SGCD: variants seen among roughly 807,000 people sequenced by gnomAD.
The protein encoded by SGCD is sarcoglycan delta.
In SGCD, 18 loss-of-function variants were observed where a neutral mutation model predicts 36.6. The observed-to-expected ratio is 0.49, with a 90% CI of 0.34 to 0.73. The LOEUF is 0.73. Ranked by LOEUF, SGCD falls within the 30% of genes least tolerant of loss-of-function variation. The pLI, the probability that SGCD is intolerant of heterozygous loss-of-function variation, is 0.01. For synonymous variants in SGCD, 133 were observed against 130.6 expected, an observed-to-expected ratio of 1.02 and a Z score of -0.12; for missense variants, 387 against 346.7, an observed-to-expected ratio of 1.12 and a Z score of -0.92.
intron 3 of SGCD, among the ~76,000 whole-genome samples, chr5:156,211,237 T>A (rs370545158): frequency 1.8e-4 from 28 of 151,872 alleles, no homozygotes; most frequent in Middle Eastern, 6.8e-3. Context: ...AGAGAGAAAG[T>A]CTTTCCCAGA....
At chr5:156,360,750 G>A (rs1166426414) in intron 3 of SGCD, among the ~76,000 whole-genome samples, 1 of 152,104 alleles carries the variant, frequency 6.6e-6, no homozygotes, top group East Asian at 1.9e-4. Context: ...TTTGGGGGAA[G>A]ACGACTCACC....
At chr5:156,531,346 G>C (rs1195126301) in intron 4 of SGCD, among the ~76,000 whole-genome samples, 3 of 152,226 alleles carry the variant, frequency 2.0e-5, no homozygotes, top group Non-Finnish European at 1.5e-5. Flanking sequence ...CCAGGCTGGG[G>C]TTCTTTTGGT....
chr5:156,458,017 C>G (rs944559729), intron 3 of SGCD, among the ~76,000 whole-genome samples: 1 of 152,126 alleles, frequency 6.6e-6, no homozygotes, highest in Non-Finnish European at 1.5e-5. Flanking sequence ...ACAAACCACA[C>G]TGTGCCAACG....
At chr5:155,940,940 T>G (rs1757311600) in intron 1 of SGCD, among the ~76,000 whole-genome samples, 1 of 152,188 alleles carries the variant, frequency 6.6e-6, no homozygotes. Flanking sequence ...AGGAGTGTCT[T>G]AGTCTATTTT....
At chr5:156,716,676 T>C (rs954711620) in intron 7 of SGCD, among the ~76,000 whole-genome samples, 2 of 152,224 alleles carry the variant, frequency 1.3e-5, no homozygotes, top group Non-Finnish European at 2.9e-5. Flanking sequence ...GTTTTCCGGA[T>C]CTAATGCACA....
intron 1 of SGCD, among the ~76,000 whole-genome samples, chr5:155,903,855 A>G (rs1235535011): frequency 6.6e-6 from 1 of 152,166 alleles, no homozygotes; most frequent in Non-Finnish European, 1.5e-5. Flanking sequence ...AGAGAAAACA[A>G]CTTTCAACTT....
intron 7 of SGCD, among the ~76,000 whole-genome samples, chr5:156,692,200 C>T (rs2113708728): frequency 6.6e-6 from 1 of 152,294 alleles, no homozygotes. Flanking sequence ...CAGTTAAGTA[C>T]AATAATGACC....
rs150204300 is a variant in SGCD, at chr5:155,943,042, A to G, written c.-282+72618A>G. ...AAAGTGTCTTGCCTAAATTATTTGT[A>G]CAGCTATGATAGAGTTGAGGACAAA... On this transcript the variant is annotated intron_variant, in intron 1 of 9. Transcript: ENST00000517913. 3.7e-3 allele frequency among the ~76,000 whole-genome samples: 567 copies of G among 152,324 alleles called. 4 individuals carry two copies. Among genetic ancestry groups the G allele is most frequent in the African/African-American group, 0.013 (549 of 41,570 alleles).
At position 156,062,625 on chromosome 5, in the gene SGCD, C is replaced by T. The variant is rs1366245451; in HGVS notation, c.-281-55253C>T. On this transcript the variant is annotated intron_variant, in intron 1 of 9. Coordinates refer to the SGCD transcript ENST00000517913. ...TCCTGACTTTTTAATGATTGCCATT[C>T]TAACTGGTGTGAGATGATATCTCAT... Among the ~76,000 whole-genome samples the T allele has an allele frequency of 7.8e-5, 3 of 38,700 alleles. No homozygotes were observed. The East Asian group carries it at 2.3e-3, about 29-fold the overall frequency. The allele number at this position is 38,700 out of a possible 152,430, so 25.4% of individuals were successfully genotyped here.
intron 3 of SGCD, among the ~76,000 whole-genome samples, chr5:156,489,149 A>G (rs1755829684): frequency 6.6e-6 from 1 of 152,118 alleles, no homozygotes; most frequent in South Asian, 2.1e-4. Context: ...ATATAATTAC[A>G]AAAGGATCAA....
chr5:156,290,727 C>T (rs936970236), intron 3 of SGCD, among the ~76,000 whole-genome samples: 1 of 152,128 alleles, frequency 6.6e-6, no homozygotes, highest in African/African-American at 2.4e-5. Flanking sequence ...TATACCTCTT[C>T]TCTATCCATA....
rs149333928 is a variant in SGCD at position 156,549,765 on chromosome 5, C to T, written c.295-39466C>T. Among the ~76,000 whole-genome samples, 366 of 152,324 alleles carry T rather than the reference C, an allele frequency of 2.4e-3. 1 individual carries two copies. The highest frequency in any genetic ancestry group is 8.3e-3 in the African/African-American group (347 of 41,576). On this transcript the variant is annotated intron_variant, in intron 4 of 8. Transcript: ENST00000337851. ...TGCCTAAACTCACAGAGTCAATAAGCAGTCGAACTGAAATTCTACTTTATG... is the reference window on the plus strand; with the variant it reads ...TGCCTAAACTCACAGAGTCAATAAGTAGTCGAACTGAAATTCTACTTTATG...
chr5:155,901,136 C>A (rs908697415), intron 1 of SGCD, among the ~76,000 whole-genome samples: 1 of 151,818 alleles, frequency 6.6e-6, no homozygotes, highest in South Asian at 2.1e-4. Flanking sequence ...CAAGGTGAAA[C>A]CCTGTCACTA....
At chr5:156,638,868 A>T (rs1316344330) in intron 6 of SGCD, among the ~76,000 whole-genome samples, 1 of 152,178 alleles carries the variant, frequency 6.6e-6, no homozygotes, top group Non-Finnish European at 1.5e-5. Flanking sequence ...AATTCTACAC[A>T]ATGTTTAAAA....
At chr5:156,625,150 T>C (rs1175591889) in intron 6 of SGCD, among the ~76,000 whole-genome samples, 1 of 152,130 alleles carries the variant, frequency 6.6e-6, no homozygotes, top group East Asian at 1.9e-4. Context: ...CCCAGCACCA[T>C]AGGAATGATG....
intron 3 of SGCD, among the ~76,000 whole-genome samples, chr5:156,266,055 TA>T (rs1338383381): frequency 1.3e-5 from 2 of 152,198 alleles, no homozygotes; most frequent in Admixed American, 1.3e-4. Context: ...ATATTGGAGT[TA>T]AAAGACAACT....
chr5:156,360,898 C>G (rs1305444256), intron 3 of SGCD, among the ~76,000 whole-genome samples: 1 of 152,108 alleles, frequency 6.6e-6, no homozygotes, highest in Non-Finnish European at 1.5e-5. Flanking sequence ...TGGCGCCCAC[C>G]AAGAGTAGGT....
chr5:156,703,884 T>C (rs900405836), intron 7 of SGCD, among the ~76,000 whole-genome samples: 2 of 152,110 alleles, frequency 1.3e-5, no homozygotes, highest in Non-Finnish European at 2.9e-5. Context: ...CAGTGTGTAA[T>C]GTTGTGGTAC....
intron 3 of SGCD, among the ~76,000 whole-genome samples, chr5:156,420,286 G>A (rs917756902): frequency 2.0e-5 from 3 of 152,034 alleles, no homozygotes; most frequent in Admixed American, 2.0e-4. Context: ...CTCCTAATAA[G>A]TGCTTTTACA....
Sources: allele counts gnomAD v4.1 joint callset (sites outside exome capture counted in the v4.1 genomes callset), GRCh38; gene constraint gnomAD v4.1.1; transcripts MANE v1.5; gene names NCBI Gene and HGNC (gene_info 2026-07-23, HGNC 2026-07-21).